Variants in EXOC6 observed in about 807,000 individuals in gnomAD.
EXOC6 encodes exocyst complex component 6, also known as SEC15-like 1.
A neutral mutation model predicts 112.5 loss-of-function variants in EXOC6; 60 were observed. The ratio of observed to expected loss-of-function variants is 0.53; its 90% CI spans 0.43 to 0.66. EXOC6 has a LOEUF of 0.66. Among genes scored for constraint, EXOC6 ranks in the 30% least tolerant of loss-of-function variants. The pLI, the probability that EXOC6 is intolerant of heterozygous loss-of-function variation, is 0.00. For synonymous variants in EXOC6, 295 were observed against 308.0 expected (o/e 0.96, Z 0.44); for missense variants, 855 against 957.1 (o/e 0.89, Z 1.41).
At chr10:92,843,583 C>CT (rs1344243819), upstream of EXOC6, among the ~76,000 whole-genome samples, 2 of 152,230 alleles carry the variant, frequency 1.3e-5, no homozygotes, top group African/African-American at 4.8e-5. Flanking sequence ...GGCGCGGTGG[C>CT]TCACGCCTGT....
At chr10:93,043,916 CTTAAAG>C (rs1167397478) in intron 20 of EXOC6, among the ~76,000 whole-genome samples, 1 of 152,214 alleles carries the variant, frequency 6.6e-6, no homozygotes, top group Non-Finnish European at 1.5e-5. Context: ...TGAGCTGCAT[CTTAAAG>C]TTCATCTGTT....
chr10:93,035,700 C>T (rs1845484570), intron 20 of EXOC6, among the ~76,000 whole-genome samples: 1 of 152,078 alleles, frequency 6.6e-6, no homozygotes, highest in African/African-American at 2.4e-5. Flanking sequence ...ACTAAAAATA[C>T]AAAAATTAGA....
intron 20 of EXOC6, among the ~76,000 whole-genome samples, chr10:93,044,878 G>A (rs950294786): frequency 1.4e-4 from 21 of 151,998 alleles, no homozygotes; most frequent in African/African-American, 5.1e-4. Context: ...TTATTTGTTT[G>A]TTTCTGTTTT....
chr10:92,930,845 G>C (rs1248809098), intron 9 of EXOC6, among the ~76,000 whole-genome samples: 1 of 152,100 alleles, frequency 6.6e-6, no homozygotes, highest in Non-Finnish European at 1.5e-5. Flanking sequence ...TGAAAAAGCT[G>C]GCTCATGCCT....
intron 17 of EXOC6, among the ~76,000 whole-genome samples, chr10:92,967,039 G>A (rs1234754626): frequency 6.6e-6 from 1 of 150,698 alleles, no homozygotes; most frequent in African/African-American, 2.5e-5. Context: ...CTGATGGCCA[G>A]TGATGATGAG....
chr10:93,014,351 A>G (rs1366282827), intron 20 of EXOC6, 84 bp downstream of exon 20: 1 of 1,039,896 alleles, frequency 9.6e-7, no homozygotes, highest in African/African-American at 1.6e-5. Flanking sequence ...ATGCTACAGG[A>G]ATGCCTGTTT....
chr10:92,963,756 G>GT (rs1403728889), intron 17 of EXOC6, among the ~76,000 whole-genome samples: 1 of 152,126 alleles, frequency 6.6e-6, no homozygotes, highest in Non-Finnish European at 1.5e-5. Flanking sequence ...GCCTCCCAAA[G>GT]TGTTGGGATT....
chr10:93,017,260 A>G (rs1460747303), intron 20 of EXOC6, among the ~76,000 whole-genome samples: 1 of 152,028 alleles, frequency 6.6e-6, no homozygotes, highest in African/African-American at 2.4e-5. Context: ...CAGAGACTCA[A>G]AAGGGGGAGG....
At chr10:92,903,110 G>A (rs976211679) in intron 5 of EXOC6, among the ~76,000 whole-genome samples, 4 of 151,952 alleles carry the variant, frequency 2.6e-5, no homozygotes, top group African/African-American at 7.2e-5. Flanking sequence ...TTAAGAAACC[G>A]TTAAATACTT....
chr10:92,891,848 A>T (rs754777838), intron 1 of EXOC6, among the ~76,000 whole-genome samples: 1 of 152,326 alleles, frequency 6.6e-6, no homozygotes, highest in South Asian at 2.1e-4. Context: ...GAGTGTATTC[A>T]TTAAAAACCT....
chr10:92,839,047 C>G (rs901403407), intron 1 of EXOC6, among the ~76,000 whole-genome samples: 2 of 151,798 alleles, frequency 1.3e-5, no homozygotes, highest in East Asian at 3.9e-4. Context: ...CACTCTGGCC[C>G]GGGCGACAGA....
At chr10:92,843,353 G>A (rs1437413944) in intron 1 of EXOC6, among the ~76,000 whole-genome samples, 1 of 152,180 alleles carries the variant, frequency 6.6e-6, no homozygotes, top group African/African-American at 2.4e-5. Flanking sequence ...GTGGCTAAAA[G>A]CCACTGGGAA....
intron 17 of EXOC6, among the ~76,000 whole-genome samples, chr10:92,962,391 A>G (rs1158258127): frequency 6.6e-6 from 1 of 151,846 alleles, no homozygotes; most frequent in Non-Finnish European, 1.5e-5. Context: ...AAATATATAT[A>G]TATATGGTTT....
At chr10:92,864,936 A>G (rs1303912383) in intron 1 of EXOC6, among the ~76,000 whole-genome samples, 5 of 152,170 alleles carry the variant, frequency 3.3e-5, no homozygotes, top group South Asian at 2.1e-4. Context: ...ATGTCTTTAT[A>G]TATCCTATTA....
intron 7 of EXOC6, among the ~76,000 whole-genome samples, chr10:92,918,227 T>C (rs1445389636): frequency 2.0e-5 from 3 of 152,184 alleles, no homozygotes; most frequent in Non-Finnish European, 2.9e-5. Flanking sequence ...TTTTTAAATT[T>C]AGCTACTATC....
chr10:92,997,365 C>G, intron 18 of EXOC6, 109 bp from the exon 19 acceptor site: 2 of 1,007,954 alleles, frequency 2.0e-6, no homozygotes, highest in Non-Finnish European at 1.4e-6. Context: ...ACTATTGTAC[C>G]AAGCATAAGC....
intron 5 of EXOC6, 58 bp from the exon 6 acceptor site, chr10:92,909,369 T>C: frequency 1.6e-6 from 2 of 1,243,172 alleles, no homozygotes; most frequent in Non-Finnish European, 2.3e-6. Flanking sequence ...TTAGATTTAC[T>C]TGTAAAAATA....
At chr10:92,920,099 G>T in intron 8 of EXOC6, 49 bp downstream of exon 8, 1 of 1,187,582 alleles carries the variant, frequency 8.4e-7, no homozygotes, top group Non-Finnish European at 1.2e-6. Context: ...TTATTTAAAA[G>T]GCATGTATGT....
intron 1 of EXOC6, among the ~76,000 whole-genome samples, chr10:92,872,968 C>G (rs1848521070): frequency 6.6e-6 from 1 of 152,064 alleles, no homozygotes; most frequent in Non-Finnish European, 1.5e-5. Context: ...TGTAGTCAGT[C>G]TGATATTTTT....
Sources: gnomAD v4.1 joint callset for allele counts (sites outside exome capture counted in the v4.1 genomes callset) on GRCh38, gnomAD v4.1.1 for gene constraint, MANE v1.5 for transcripts, NCBI Gene and HGNC (gene_info 2026-07-23, HGNC 2026-07-21) for gene names.